HDAC4: variants seen among roughly 807,000 people sequenced by gnomAD.
HDAC4 encodes histone deacetylase A.
Under a neutral mutation model 135.1 loss-of-function variants are expected in HDAC4, and 16 were observed. The ratio of observed to expected loss-of-function variants is 0.12; its 90% CI spans 0.08 to 0.18. HDAC4 has a LOEUF of 0.18. Among genes scored for constraint, HDAC4 ranks in the 10% least tolerant of loss-of-function variants. The pLI is 1.00. For missense variants in HDAC4, 1,143 were observed against 1,511.8 expected (o/e 0.76, Z 4.05); for synonymous variants, 685 against 653.4 (o/e 1.05, Z -0.74).
intron 2 of HDAC4, among the ~76,000 whole-genome samples, chr2:239,263,955 G>A (rs533112515): frequency 6.6e-6 from 1 of 152,360 alleles, no homozygotes; most frequent in Admixed American, 6.5e-5. Context: ...CAGTCTGAAA[G>A]GAAGGGTACG....
chr2:239,150,291 GTACA>G (rs1228529127), intron 7 of HDAC4, among the ~76,000 whole-genome samples: 6 of 149,524 alleles, frequency 4.0e-5, no homozygotes, highest in African/African-American at 9.9e-5. Flanking sequence ...ACACACACAG[GTACA>G]TACACAGATA....
intron 16 of HDAC4, 71 bp downstream of exon 16, chr2:239,102,705 G>T: frequency 6.3e-7 from 1 of 1,581,516 alleles, no homozygotes. Context: ...GACACAAGGG[G>T]TTGAGAGCTG....
rs546968715 is a variant in HDAC4 at position 239,360,572 on chromosome 2, G to C, written c.-219-7654C>G. ...TGCAAGTTCCACTGAGAGCAAACGG[G>C]AACATGTATCTCTTCACACCCCCGG... On this transcript the variant is annotated intron_variant, in intron 1 of 26. Transcript: ENST00000543185. Among the ~76,000 whole-genome samples, 5 of 152,340 alleles carry C rather than the reference G, an allele frequency of 3.3e-5. No individual in the cohort carries two copies. In the South Asian group the frequency reaches 1.0e-3, roughly 32 times the overall value.
At chr2:239,399,486 G>A (rs936107295) in intron 1 of HDAC4, among the ~76,000 whole-genome samples, 2 of 152,010 alleles carry the variant, frequency 1.3e-5, no homozygotes, top group African/African-American at 4.8e-5. Flanking sequence ...GGACAGTCCC[G>A]AAAATAATGC....
Position 239,352,851 on chromosome 2 carries a change from G to A in HDAC4, c.-152C>T, listed in dbSNP as rs569395639. On this transcript the variant is annotated 5_prime_UTR_variant, in exon 2 of 27. Coordinates refer to ENST00000543185, the MANE Select transcript of HDAC4 (RefSeq NM_001378414.1). The surrounding 1 kb of genome is among the most constrained non-coding windows in gnomAD (Gnocchi z 4.4). Reference sequence around the variant, plus strand: ...AGACGTTCAAGCGCCGAGCCTCGCCGGCAAGGTCTCATGAGCCAGGTAACC... The same window carrying A: ...AGACGTTCAAGCGCCGAGCCTCGCCAGCAAGGTCTCATGAGCCAGGTAACC... 16 of 792,358 alleles carry A rather than the reference G, an allele frequency of 2.0e-5. No homozygotes were observed. Among genetic ancestry groups the A allele is most frequent in the African/African-American group, 3.4e-5 (2 of 58,604 alleles). 49.1% of individuals were successfully genotyped at this position (792,358 alleles called of 1,614,324 possible).
At chr2:239,300,521 C>T (rs1040350179) in intron 2 of HDAC4, among the ~76,000 whole-genome samples, 7 of 152,120 alleles carry the variant, frequency 4.6e-5, no homozygotes, top group Non-Finnish European at 1.0e-4. Context: ...ACCAAGGAGG[C>T]CTCTTCTTTA....
chr2:239,160,725 G>A lies in HDAC4; in HGVS notation c.611+3078C>T, dbSNP rs534654662. Among the ~76,000 whole-genome samples the A allele has an allele frequency of 2.3e-4, 35 of 152,374 alleles. 1 individual carries two copies. In the South Asian group the frequency reaches 6.4e-3, roughly 28 times the overall value. On this transcript the variant is annotated intron_variant, in intron 6 of 26. Transcript: ENST00000543185. ...TGCAGGGGCCCCAGTTTGCGCGGCC[G>A]TTCCCCTGTTGATAGCTTGGTTGTT...
At chr2:239,228,740 C>T (rs1205138541) in intron 3 of HDAC4, among the ~76,000 whole-genome samples, 1 of 152,054 alleles carries the variant, frequency 6.6e-6, no homozygotes, top group Non-Finnish European at 1.5e-5. Flanking sequence ...ATGCCTTCAG[C>T]CATCGAAGGG....
Position 239,090,088 on chromosome 2 carries a change from A to G in HDAC4, c.2309T>C (p.Val770Ala). 2 of 1,613,692 alleles carry G rather than the reference A, an allele frequency of 1.2e-6. No homozygotes were observed. Among genetic ancestry groups the G allele is most frequent in the Non-Finnish European group, 1.7e-6 (2 of 1,179,912 alleles). ...GVDSDTIWNE[V>A]HSAGAARLAV... ...CAGGCGGGCTGCCCCCGCCGAGTGCACCTCGTTCCATATGGTGTCACTGTC... is the reference window on the plus strand; with the variant it reads ...CAGGCGGGCTGCCCCCGCCGAGTGCGCCTCGTTCCATATGGTGTCACTGTC... The change falls in exon 18 of 27, where the codon GTG becomes GCG. Residue 770 changes from valine (V) to alanine (A), a missense_variant. This residue lies in a region of HDAC4 where 49 missense variants were observed against 55.6 expected (regional missense o/e 0.88). Coordinates refer to ENST00000543185, the MANE Select transcript of HDAC4 (RefSeq NM_001378414.1).
intron 2 of HDAC4, among the ~76,000 whole-genome samples, chr2:239,325,455 G>A (rs2053441989): frequency 6.6e-6 from 1 of 152,176 alleles, no homozygotes; most frequent in Non-Finnish European, 1.5e-5. Flanking sequence ...ACGGCCAATA[G>A]GTACATGAAA....
intron 3 of HDAC4, among the ~76,000 whole-genome samples, chr2:239,198,047 T>C (rs904128133): frequency 6.6e-6 from 1 of 152,148 alleles, no homozygotes; most frequent in Non-Finnish European, 1.5e-5. Flanking sequence ...CTTCCTTCCA[T>C]GTTGGCCAGG....
In HDAC4 at chr2:239,115,241, G is replaced by A. The variant is rs202206567; in HGVS notation, c.1603C>T (p.Arg535Cys). 61 of 1,612,652 alleles carry A rather than the reference G, an allele frequency of 3.8e-5. No homozygotes were observed. Among genetic ancestry groups the A allele is most frequent in the East Asian group, 4.5e-5 (2 of 44,884 alleles). The change falls in exon 13 of 27, where the codon CGT becomes TGT. Residue 535 changes from arginine to cysteine, a missense_variant. Coordinates refer to ENST00000543185, the MANE Select transcript of HDAC4 (RefSeq NM_001378414.1). This position sits in a 1 kb window ranked among gnomAD's most constrained non-coding sequence, Gnocchi z 6.3. ...SHPEETEEEL[R>C]EHQALLDEPY... ...TCGTCCAGCAGAGCCTGGTGCTCAC[G>A]GAGCTCCTCCTCCGTCTCCTCCGGG... is the stretch of plus-strand genomic sequence containing the variant.
At chr2:239,346,531 A>G (rs1285904220) in intron 2 of HDAC4, among the ~76,000 whole-genome samples, 1 of 141,748 alleles carries the variant, frequency 7.1e-6, no homozygotes, top group African/African-American at 2.6e-5. Context: ...CACATACCAC[A>G]CCCTAAAACA....
intron 1 of HDAC4, among the ~76,000 whole-genome samples, chr2:239,373,944 T>C (rs886706419): frequency 9.9e-5 from 15 of 152,186 alleles, no homozygotes; most frequent in Admixed American, 7.9e-4. Flanking sequence ...ATCTGAAATG[T>C]ATCTTCCCCT....
At chr2:239,116,035 T>C (rs768683885) in intron 12 of HDAC4, among the ~76,000 whole-genome samples, 1 of 152,054 alleles carries the variant, frequency 6.6e-6, no homozygotes, top group East Asian at 1.9e-4. Flanking sequence ...GCCCCCGACC[T>C]CTTTTCCTGT....
chr2:239,293,448 G>C lies in HDAC4; in HGVS notation c.23-56784C>G, dbSNP rs1368694189. 7.9e-5 allele frequency among the ~76,000 whole-genome samples: 12 copies of C among 152,160 alleles called. No individual in the cohort carries two copies. The East Asian group carries it at 2.3e-3, about 29-fold the overall frequency. ...GGGCCCTACCCTCCACAATCAAAGG[G>C]GGATACAATCTACCCCAGCAGGGGC... is the stretch of plus-strand genomic sequence containing the variant. On this transcript the variant is annotated intron_variant, in intron 2 of 26. Coordinates refer to ENST00000543185, the MANE Select transcript of HDAC4 (RefSeq NM_001378414.1).
chr2:239,295,285 T>C lies in HDAC4; in HGVS notation c.22+57393A>G, dbSNP rs1485221894. 8.7e-4 allele frequency among the ~76,000 whole-genome samples: 92 copies of C among 106,124 alleles called. 2 individuals are homozygous for C. The highest frequency in any genetic ancestry group is 2.7e-3 in the Admixed American group (17 of 6,206). The allele number at this position is 106,124 out of a possible 152,430, so 69.6% of individuals were successfully genotyped here. Reference sequence around the variant, plus strand: ...TCGCGCCCCTGCACTCCAGCCTGGGTGACAGAGCAAGACTCCGTCTCAAAA... The same window carrying C: ...TCGCGCCCCTGCACTCCAGCCTGGGCGACAGAGCAAGACTCCGTCTCAAAA... On this transcript the variant is annotated intron_variant, in intron 2 of 26. Coordinates refer to ENST00000543185, the MANE Select transcript of HDAC4 (RefSeq NM_001378414.1).
At chr2:239,123,913 A>G (rs918114438) in intron 12 of HDAC4, among the ~76,000 whole-genome samples, 4 of 151,740 alleles carry the variant, frequency 2.6e-5, no homozygotes, top group Admixed American at 6.6e-5. Flanking sequence ...TCCTAACCCC[A>G]ATTTTTCACC....
chr2:239,382,303 TCAAAG>T (rs1371077786), intron 1 of HDAC4, among the ~76,000 whole-genome samples: 2 of 152,260 alleles, frequency 1.3e-5, no homozygotes, highest in Admixed American at 6.5e-5. Context: ...TCTTTTATTA[TCAAAG>T]CAATCATAAA....
Sources: allele counts gnomAD v4.1 joint callset (sites outside exome capture counted in the v4.1 genomes callset), GRCh38; gene constraint gnomAD v4.1.1; regional missense constraint gnomAD v4.1.1; non-coding constraint Gnocchi (gnomAD v3.1); transcripts MANE v1.5; gene names NCBI Gene and HGNC (gene_info 2026-07-23, HGNC 2026-07-21).